The following PCDHAC2 variants were observed in gnomAD, a reference collection of about 807,000 sequenced individuals.
The protein encoded by PCDHAC2 is protocadherin alpha-C2.
A neutral mutation model predicts 63.3 loss-of-function variants in PCDHAC2; 24 were observed. The observed-to-expected ratio is 0.38, with a 90% confidence interval of 0.27 to 0.53. The LOEUF (loss-of-function observed/expected upper bound fraction) is 0.53, where lower values mean the gene tolerates loss of function less well. PCDHAC2 is among the 20% of genes least tolerant of loss of function. The probability of loss-of-function intolerance (pLI) is 0.81; values close to 1 mark genes in which losing one functional copy is unlikely to be tolerated. For missense variants in PCDHAC2, 1,181 were observed against 1,275.2 expected, an observed-to-expected ratio of 0.93 and a Z score of 1.12; for synonymous variants, 569 against 529.4, an observed-to-expected ratio of 1.07 and a Z score of -1.03.
In PCDHAC2 at chr5:140,968,455, G is replaced by C; in HGVS notation, c.1689G>C (p.Val563=). ...GGAGCCCACCACTGAGCAGCACTGT[G>C]ACTGCCAACGTATATGTGGTGGACA... The part of the protein sequence containing the change: ...DKGSPPLSST[V]TANVYVVDMN... Residue 563 remains valine (V), a synonymous_variant, in exon 1 of 4, where the codon GTG becomes GTC. Transcript: ENST00000289269. The C allele has an allele frequency of 1.2e-6, 2 of 1,614,084 alleles. No individual in the cohort carries two copies. Among genetic ancestry groups the C allele is most frequent in the Non-Finnish European group, 1.7e-6 (2 of 1,180,022 alleles).
intron 3 of PCDHAC2, among the ~76,000 whole-genome samples, chr5:140,993,036 GTCA>G (rs1415732601): frequency 6.6e-6 from 1 of 152,182 alleles, no homozygotes; most frequent in Non-Finnish European, 1.5e-5. Flanking sequence ...GGCTCCGTGT[GTCA>G]TCAAGATGTC....
In PCDHAC2 at chr5:140,968,917, T is replaced by G; in HGVS notation, c.2151T>G (p.Phe717Leu). 1 of 1,614,216 alleles carries G rather than the reference T, an allele frequency of 6.2e-7. No homozygotes were observed. The highest frequency in any genetic ancestry group is 8.5e-7 in the Non-Finnish European group (1 of 1,180,050). The change falls in exon 1 of 4, where the codon TTT becomes TTG. Residue 717 changes from phenylalanine (F) to leucine (L), a missense_variant. This residue lies in a region of PCDHAC2 where 968 missense variants were observed against 1,073.5 expected (regional missense o/e 0.90). Coordinates refer to ENST00000289269, the MANE Select transcript of PCDHAC2 (RefSeq NM_018899.6). The part of the protein sequence containing the change: ...YLIIALSTVS[F>L]IFLLTIIILS... ...TAATAGCATTAAGCACAGTGTCTTT[T>G]ATATTTCTTTTGACAATCATCATTT...
intron 3 of PCDHAC2, among the ~76,000 whole-genome samples, chr5:141,008,360 G>C (rs569459357): frequency 6.6e-6 from 1 of 152,220 alleles, no homozygotes; most frequent in South Asian, 2.1e-4. Flanking sequence ...TCAACCAAAG[G>C]AGCAGTGTTA....
At chr5:140,983,517 G>A (rs1475712929) in intron 3 of PCDHAC2, among the ~76,000 whole-genome samples, 2 of 152,196 alleles carry the variant, frequency 1.3e-5, no homozygotes, top group African/African-American at 4.8e-5. Flanking sequence ...TAGACACTGT[G>A]CCAAGTACAT....
chr5:141,006,425 G>A (rs1483231288), intron 3 of PCDHAC2, among the ~76,000 whole-genome samples: 2 of 152,080 alleles, frequency 1.3e-5, no homozygotes, highest in African/African-American at 4.8e-5. Context: ...GTGTTAGCCA[G>A]GATGGTCTCA....
Position 140,968,276 on chromosome 5 carries a change from G to A in PCDHAC2, c.1510G>A (p.Val504Met). 1 of 1,614,070 alleles carries A rather than the reference G, an allele frequency of 6.2e-7. No individual in the cohort carries two copies. The highest frequency in any genetic ancestry group is 1.1e-5 in the South Asian group (1 of 91,080). ...CCCAGATGAAAAGGAGAATGCAGAG[G>A]TGACCTACTCCCTTCTGGAGAGGGA... ...TDPDEKENAEVTYSLLEREIQ... is the reference protein window; with the variant it reads ...TDPDEKENAEMTYSLLEREIQ... Residue 504 changes from valine (V) to methionine (M), a missense_variant, in exon 1 of 4, where the codon GTG becomes ATG. By Grantham distance (21) the Val-to-Met change is conservative. Around this residue, in one of 3 missense-constraint regions of PCDHAC2, gnomAD observed 968 missense variants for 1,073.5 expected, o/e 0.90. Coordinates refer to ENST00000289269, the MANE Select transcript of PCDHAC2 (RefSeq NM_018899.6).
intron 3 of PCDHAC2, among the ~76,000 whole-genome samples, chr5:140,987,146 G>A (rs942853645): frequency 1.3e-5 from 2 of 151,812 alleles, no homozygotes; most frequent in Non-Finnish European, 2.9e-5. Flanking sequence ...CTCGGGAGGT[G>A]GAGGTTGCAG....
intron 3 of PCDHAC2, among the ~76,000 whole-genome samples, chr5:141,009,094 C>T (rs1350235475): frequency 6.6e-6 from 1 of 152,176 alleles, no homozygotes; most frequent in Non-Finnish European, 1.5e-5. Flanking sequence ...AAGAACCAAA[C>T]ATATGTTACT....
intron 1 of PCDHAC2, 27 bp from the exon 2 acceptor site, chr5:140,978,922 C>G: frequency 6.2e-7 from 1 of 1,613,966 alleles, no homozygotes; most frequent in Non-Finnish European, 8.5e-7. Context: ...GTCATTTTAA[C>G]AGAAAACTCT....
intron 3 of PCDHAC2, among the ~76,000 whole-genome samples, chr5:140,995,110 C>T (rs1047046754): frequency 4.6e-5 from 7 of 152,198 alleles, no homozygotes; most frequent in Non-Finnish European, 7.3e-5. Flanking sequence ...TTCCAAGACC[C>T]TCAGTGGATG....
Position 140,978,964 on chromosome 5 carries a change from C to G in PCDHAC2, c.2581C>G (p.Pro861Ala). ...GATTTTGCAGCCACGACAGCCCAAC[C>G]CTGACTGGCGTTACTCTGCCTCCCT... ...VSQNEPRQPN[P>A]DWRYSASLRA... is the part of the protein sequence containing the mutation. The change falls in exon 2 of 4, where the codon CCT becomes GCT. Residue 861 changes from proline to alanine, a missense_variant. Transcript: ENST00000289269. 3 of 1,614,122 alleles carry G rather than the reference C, an allele frequency of 1.9e-6. No homozygotes were observed. The highest frequency in any genetic ancestry group is 2.5e-6 in the Non-Finnish European group (3 of 1,180,010).
At chr5:140,971,732 T>C (rs1554233582) in intron 1 of PCDHAC2, among the ~76,000 whole-genome samples, 2 of 151,638 alleles carry the variant, frequency 1.3e-5, no homozygotes, top group African/African-American at 4.8e-5. Flanking sequence ...ATCATACATA[T>C]ACACATACAT....
At chr5:140,998,403 A>G (rs375947232) in intron 3 of PCDHAC2, among the ~76,000 whole-genome samples, 5 of 152,114 alleles carry the variant, frequency 3.3e-5, no homozygotes, top group Non-Finnish European at 7.4e-5. Context: ...CTTTATGCCA[A>G]AGTTTATCTA....
intron 3 of PCDHAC2, among the ~76,000 whole-genome samples, chr5:141,008,863 C>T (rs902385521): frequency 6.6e-6 from 1 of 152,204 alleles, no homozygotes. Flanking sequence ...CTCTTCCATG[C>T]TGCATCCCAC....
chr5:140,970,776 A>G lies in PCDHAC2; in HGVS notation c.2565+1445A>G, dbSNP rs1338334067. Among the ~76,000 whole-genome samples the G allele has an allele frequency of 1.3e-5, 2 of 152,212 alleles. 1 individual carries two copies. The highest frequency in any genetic ancestry group is 4.8e-5 in the African/African-American group (2 of 41,458). On this transcript the variant is annotated intron_variant, in intron 1 of 3. Coordinates refer to ENST00000289269, the MANE Select transcript of PCDHAC2 (RefSeq NM_018899.6). Reference sequence around the variant, plus strand: ...TTCATTGACATATTGCTGTACATACATATTGTATGTAATATCCATATTGTT... The same window carrying G: ...TTCATTGACATATTGCTGTACATACGTATTGTATGTAATATCCATATTGTT...
intron 1 of PCDHAC2, among the ~76,000 whole-genome samples, chr5:140,977,702 A>C (rs1420121979): frequency 1.3e-5 from 2 of 152,190 alleles, no homozygotes; most frequent in African/African-American, 4.8e-5. Context: ...AATCTGTCTG[A>C]ATATTGAGAT....
intron 3 of PCDHAC2, among the ~76,000 whole-genome samples, chr5:141,002,322 G>A (rs1477526091): frequency 6.6e-6 from 1 of 152,190 alleles, no homozygotes; most frequent in South Asian, 2.1e-4. Context: ...CCTGGAGGCC[G>A]GGCTGCATCC....
chr5:140,995,245 A>G (rs2097671494), intron 3 of PCDHAC2, among the ~76,000 whole-genome samples: 1 of 152,194 alleles, frequency 6.6e-6, no homozygotes, highest in African/African-American at 2.4e-5. Flanking sequence ...ATTAAGTAAA[A>G]TAAGGGTACT....
chr5:141,010,118 T>C lies in PCDHAC2; in HGVS notation c.*181T>C. 6.2e-7 allele frequency: 1 copy of C among 1,608,728 alleles called. No homozygotes were observed. The highest frequency in any genetic ancestry group is 8.5e-7 in the Non-Finnish European group (1 of 1,177,116). ...TTAACAGGTTTTGTCGTAAAAGCTT[T>C]ACTAAGTCTGGTGTTAACTCTTTCT... On this transcript the variant is annotated 3_prime_UTR_variant, in exon 4 of 4. Transcript: ENST00000289269.
Sources: gnomAD v4.1 joint callset for allele counts (sites outside exome capture counted in the v4.1 genomes callset) on GRCh38, gnomAD v4.1.1 for gene constraint, gnomAD v4.1.1 regional missense constraint, MANE v1.5 for transcripts, NCBI Gene and HGNC (gene_info 2026-07-23, HGNC 2026-07-21) for gene names.